Variants in DRC3 observed in about 807,000 individuals in gnomAD.
The protein encoded by DRC3 is dynein regulatory complex subunit 3, also known as leucine rich repeat containing 48.
In DRC3, 45 loss-of-function variants were observed where a neutral mutation model predicts 57.6. The observed-to-expected ratio is 0.78, with a 90% CI of 0.62 to 1.00. DRC3 has a LOEUF of 1.00. Among genes scored for constraint, DRC3 ranks in the 50% least tolerant of loss-of-function variants. DRC3 has a pLI of 0.00. For missense variants in DRC3, 655 were observed against 675.2 expected (o/e 0.97, Z 0.33); for synonymous variants, 257 against 272.3 (o/e 0.94, Z 0.55).
chr17:18,001,729 G>A (rs932843661), intron 9 of DRC3, among the ~76,000 whole-genome samples: 1 of 152,000 alleles, frequency 6.6e-6, no homozygotes, highest in African/African-American at 2.4e-5. Flanking sequence ...CCAGCAGTTT[G>A]AGAGCAGCCT....
At chr17:18,009,379 G>T (rs898459090) in intron 12 of DRC3, among the ~76,000 whole-genome samples, 2 of 152,102 alleles carry the variant, frequency 1.3e-5, no homozygotes, top group African/African-American at 4.8e-5. Context: ...CTCCAGTCTG[G>T]GTGACAGAGC....
intron 10 of DRC3, chr17:18,005,923 A>G (rs1228689818): frequency 6.3e-6 from 3 of 476,586 alleles, no homozygotes; most frequent in African/African-American, 5.8e-5. Context: ...GAGTAAGACC[A>G]GGACAAGTGT....
rs373182409 is a variant in DRC3 at position 17,983,818 on chromosome 17, A to T, written c.161-10A>T. 6.3e-7 allele frequency: 1 copy of T among 1,591,140 alleles called. No individual in the cohort carries two copies. On this transcript the variant is annotated splice_polypyrimidine_tract_variant and intron_variant, in intron 3 of 13. Coordinates refer to ENST00000399187, the MANE Select transcript of DRC3 (RefSeq NM_031294.4). Reference sequence around the variant, plus strand: ...TAACCTGAGACTGAAATCACCTTCCATTATTTCAGACATCCTCCGCATAGA... The same window carrying T: ...TAACCTGAGACTGAAATCACCTTCCTTTATTTCAGACATCCTCCGCATAGA...
intron 9 of DRC3, among the ~76,000 whole-genome samples, chr17:17,999,398 A>G (rs1046449834): frequency 3.3e-5 from 5 of 151,994 alleles, no homozygotes; most frequent in African/African-American, 9.7e-5. Flanking sequence ...GGGATTTTCC[A>G]TTGTTCCCTG....
rs200074883 is a variant in DRC3, at chr17:17,994,391, G to A, written c.684G>A (p.Ala228=). The A allele has an allele frequency of 1.9e-5, 30 of 1,553,634 alleles. No individual in the cohort carries two copies. The East Asian group carries it at 2.2e-4, about 11-fold the overall frequency. Residue 228 remains alanine, a synonymous_variant, in exon 7 of 14, where the codon GCG becomes GCA. Transcript: ENST00000399187. The stretch of plus-strand genomic sequence containing the variant: ...AGGCCCAGCTGGAGGACGAGCAGGC[G>A]CAGCGGGAGGAGCTAGAGAAGCACA... ...LMQAQLEDEQ[A]QREELEKHKT...
At chr17:18,016,525 TGTAAG>T in intron 13 of DRC3, 28 bp from the exon 14 acceptor site, 1 of 1,420,694 alleles carries the variant, frequency 7.0e-7, no homozygotes, top group Non-Finnish European at 9.9e-7. Context: ...AATGATCTGA[TGTAAG>T]GAATCGGGCT....
At chr17:17,982,507 G>A (rs1036775393) in intron 3 of DRC3, among the ~76,000 whole-genome samples, 3 of 150,996 alleles carry the variant, frequency 2.0e-5, no homozygotes, top group Non-Finnish European at 2.9e-5. Flanking sequence ...GAGCCACCAC[G>A]CCTGGCCCAC....
chr17:17,987,797 G>A (rs2043031183), intron 4 of DRC3, 135 bp from the exon 5 acceptor site: 1 of 827,724 alleles, frequency 1.2e-6, no homozygotes, highest in African/African-American at 1.7e-5. Context: ...CAAACTATTA[G>A]ACAGTGAGTC....
intron 9 of DRC3, among the ~76,000 whole-genome samples, chr17:18,003,347 A>C (rs549785665): frequency 6.6e-6 from 1 of 151,776 alleles, no homozygotes; most frequent in Admixed American, 6.6e-5. Flanking sequence ...TTAGCCGGTC[A>C]TAATGGCAGG....
At chr17:17,997,403 C>T in intron 8 of DRC3, 57 bp from the exon 9 acceptor site, 1 of 1,563,664 alleles carries the variant, frequency 6.4e-7, no homozygotes, top group Non-Finnish European at 8.7e-7. Flanking sequence ...ACACCTTGGC[C>T]GTGCCCTCCG....
In DRC3 at chr17:17,972,896, A is replaced by G. The variant is rs763970351; in HGVS notation, c.-207A>G. ...CCCTTCTGACTTCCCCTTAGCAACC[A>G]AGTCGCGGCGCTTGGTTCCCCAGCA... On this transcript the variant is annotated 5_prime_UTR_variant, in exon 1 of 14. Transcript: ENST00000399187. The G allele has an allele frequency of 6.5e-6, 1 of 152,722 alleles. No individual in the cohort carries two copies. Among genetic ancestry groups the G allele is most frequent in the Non-Finnish European group, 1.5e-5 (1 of 68,050 alleles). 9.5% of individuals were successfully genotyped at this position (152,722 alleles called of 1,614,324 possible). A position where few individuals can be genotyped will look rare whatever the true frequency, so the allele number is the denominator to read the frequency against.
chr17:18,013,291 C>A (rs1299657106), intron 12 of DRC3, among the ~76,000 whole-genome samples: 1 of 152,182 alleles, frequency 6.6e-6, no homozygotes, highest in Non-Finnish European at 1.5e-5. Context: ...AGCAATCTCA[C>A]TACTGAGCAT....
chr17:17,976,142 A>C (rs2042375867), intron 2 of DRC3, among the ~76,000 whole-genome samples: 1 of 152,174 alleles, frequency 6.6e-6, no homozygotes, highest in African/African-American at 2.4e-5. Context: ...AGGGAGGCCC[A>C]GATGCTGGGA....
chr17:17,995,824 C>G (rs140075357), intron 8 of DRC3: 7 of 152,636 alleles, frequency 4.6e-5, no homozygotes, highest in African/African-American at 1.7e-4. Context: ...ACATTCTGGG[C>G]CTGTGAGGTG....
chr17:18,006,696 G>T, intron 11 of DRC3: 1 of 374,012 alleles, frequency 2.7e-6, no homozygotes, highest in Non-Finnish European at 5.0e-6. Context: ...GCCCTCCTGG[G>T]GCTCACAGTC....
At position 18,007,878 on chromosome 17, in the gene DRC3, C is replaced by T. The variant is rs955064120; in HGVS notation, c.1326+731C>T. The T allele has an allele frequency of 1.1e-5, 11 of 1,002,348 alleles. No homozygotes were observed. In the Admixed American group the frequency reaches 5.6e-4, roughly 51 times the overall value. The allele number at this position is 1,002,348 out of a possible 1,614,324, so 62.1% of individuals were successfully genotyped here. A position where few individuals can be genotyped will look rare whatever the true frequency, so the allele number is the denominator to read the frequency against. ...GTCGCGACATCACCACCAAGGCAAG[C>T]CACCATCGTCCTTGGCCTGGACTGC... On this transcript the variant is annotated intron_variant, in intron 12 of 13. Coordinates refer to ENST00000399187, the MANE Select transcript of DRC3 (RefSeq NM_031294.4).
At chr17:17,979,412 G>A (rs1453129471) in intron 3 of DRC3, among the ~76,000 whole-genome samples, 2 of 152,216 alleles carry the variant, frequency 1.3e-5, no homozygotes, top group Admixed American at 6.5e-5. Context: ...GAGGCCAGGG[G>A]CCGAGGCAAG....
chr17:17,987,543 AGGT>A (rs951390498), intron 4 of DRC3, among the ~76,000 whole-genome samples: 1 of 152,212 alleles, frequency 6.6e-6, no homozygotes, highest in Admixed American at 6.5e-5. Context: ...AGCACACAGG[AGGT>A]GGTCTTGCTA....
At chr17:18,005,552 C>T (rs1406410809) in intron 10 of DRC3, 1 of 152,564 alleles carries the variant, frequency 6.6e-6, no homozygotes, top group African/African-American at 2.4e-5. Context: ...CTAAGCACCA[C>T]AAAACAGCAA....
Sources: allele counts gnomAD v4.1 joint callset (sites outside exome capture counted in the v4.1 genomes callset), GRCh38; gene constraint gnomAD v4.1.1; transcripts MANE v1.5; gene names NCBI Gene and HGNC (gene_info 2026-07-23, HGNC 2026-07-21).